Variants in CLNK observed in about 807,000 individuals in gnomAD.
CLNK encodes cytokine-dependent hematopoietic cell linker.
A neutral mutation model predicts 68.6 loss-of-function variants in CLNK; 74 were observed. That is an observed-to-expected ratio of 1.08 (90% confidence interval 0.89 to 1.31). The LOEUF is 1.31. Ranked by LOEUF, CLNK falls within the 50% of genes most tolerant of loss-of-function variation. The pLI is 0.00. For synonymous variants in CLNK, 198 were observed against 172.2 expected (o/e 1.15, Z -1.17); for missense variants, 553 against 515.3 (o/e 1.07, Z -0.71).
chr4:10,730,324 A>G, the CLNK span, among the ~76,000 whole-genome samples: 1 of 152,150 alleles, frequency 6.6e-6, no homozygotes, highest in Admixed American at 6.5e-5. Context: ...GAGTCATTAT[A>G]TGACTCATCT....
chr4:10,509,389 G>A (rs2109034026), intron 16 of CLNK, among the ~76,000 whole-genome samples: 1 of 152,242 alleles, frequency 6.6e-6, no homozygotes, highest in South Asian at 2.1e-4. Flanking sequence ...CCAGACAAAA[G>A]TGCTTGTACT....
At chr4:10,694,279 T>C in the CLNK span, among the ~76,000 whole-genome samples, 4 of 151,560 alleles carry the variant, frequency 2.6e-5, no homozygotes, top group African/African-American at 9.7e-5. Context: ...GCCTTCAGCT[T>C]AGTATTCACA....
At chr4:10,589,387 G>C (rs957767629) in intron 3 of CLNK, among the ~76,000 whole-genome samples, 1 of 152,164 alleles carries the variant, frequency 6.6e-6, no homozygotes. Context: ...TGTCAAATTT[G>C]TCTGAAAGTG....
At chr4:10,521,086 C>T (rs1470513123) in intron 14 of CLNK, among the ~76,000 whole-genome samples, 1 of 152,158 alleles carries the variant, frequency 6.6e-6, no homozygotes, top group Non-Finnish European at 1.5e-5. Flanking sequence ...TCAGTGAGCA[C>T]GTATCATTAT....
intron 7 of CLNK, among the ~76,000 whole-genome samples, chr4:10,558,875 G>C (rs922830527): frequency 6.6e-6 from 1 of 152,130 alleles, no homozygotes; most frequent in Non-Finnish European, 1.5e-5. Flanking sequence ...GGGAAGGCCT[G>C]GGTTAGGATT....
intron 3 of CLNK, among the ~76,000 whole-genome samples, chr4:10,589,394 A>C (rs1721103103): frequency 6.6e-6 from 1 of 152,132 alleles, no homozygotes; most frequent in Non-Finnish European, 1.5e-5. Context: ...TTTGTCTGAA[A>C]GTGGCTTATC....
intron 1 of CLNK, among the ~76,000 whole-genome samples, chr4:10,676,181 T>A (rs778596267): frequency 3.3e-5 from 5 of 152,034 alleles, no homozygotes; most frequent in Non-Finnish European, 5.9e-5. Flanking sequence ...CAATTCAGAG[T>A]TATATGTATT....
chr4:10,712,664 C>T, the CLNK span, among the ~76,000 whole-genome samples: 5 of 152,192 alleles, frequency 3.3e-5, no homozygotes, highest in Non-Finnish European at 5.9e-5. Context: ...TGTTTCTTAG[C>T]TTGCTTTTCT....
the CLNK span, among the ~76,000 whole-genome samples, chr4:10,690,351 A>G: frequency 3.3e-5 from 5 of 152,168 alleles, no homozygotes; most frequent in Admixed American, 2.0e-4. Flanking sequence ...CATTTTGAGG[A>G]TAACACGGTT....
chr4:10,680,018 T>G (rs569987277), intron 1 of CLNK, among the ~76,000 whole-genome samples: 113 of 152,302 alleles, frequency 7.4e-4, no homozygotes, highest in African/African-American at 2.1e-3. Context: ...CATTACTGGA[T>G]ATATACCCAA....
intron 13 of CLNK, among the ~76,000 whole-genome samples, chr4:10,526,996 G>T (rs1280585262): frequency 6.6e-6 from 1 of 152,164 alleles, no homozygotes; most frequent in Non-Finnish European, 1.5e-5. Flanking sequence ...TCTGCCCAAG[G>T]TTCATCACAA....
At chr4:10,558,529 G>A (rs1203762372) in intron 7 of CLNK, 77 bp from the exon 8 acceptor site, 1 of 1,389,434 alleles carries the variant, frequency 7.2e-7, no homozygotes, top group Non-Finnish European at 1.0e-6. Context: ...ACTCTCTGTG[G>A]TTAGGTTCCC....
At chr4:10,526,871 C>T (rs1458877897) in intron 13 of CLNK, among the ~76,000 whole-genome samples, 2 of 152,304 alleles carry the variant, frequency 1.3e-5, no homozygotes, top group South Asian at 4.2e-4. Flanking sequence ...AAGGGCACAT[C>T]ATAATACTAT....
chr4:10,608,256 C>T (rs186381069), intron 2 of CLNK, among the ~76,000 whole-genome samples: 14 of 152,340 alleles, frequency 9.2e-5, no homozygotes, highest in Non-Finnish European at 1.2e-4. Context: ...CTACAGTCCA[C>T]GCAAACTGAA....
chr4:10,583,818 T>C (rs1317777892), intron 4 of CLNK, among the ~76,000 whole-genome samples: 1 of 152,178 alleles, frequency 6.6e-6, no homozygotes, highest in Non-Finnish European at 1.5e-5. Flanking sequence ...GGGAGCAAGA[T>C]GGGAGGAAGA....
chr4:10,638,877 C>A (rs1215646135), intron 2 of CLNK, among the ~76,000 whole-genome samples: 1 of 152,180 alleles, frequency 6.6e-6, no homozygotes, highest in Non-Finnish European at 1.5e-5. Context: ...ATGGTCCCCT[C>A]TGAACGTCTG....
chr4:10,686,055 C>T (rs572420630), upstream of CLNK, among the ~76,000 whole-genome samples: 3 of 152,292 alleles, frequency 2.0e-5, no homozygotes, highest in African/African-American at 7.2e-5. Context: ...GTCTCACAGT[C>T]TGGCCTCTGG....
intron 2 of CLNK, among the ~76,000 whole-genome samples, chr4:10,627,918 C>G (rs189610478): frequency 2.0e-5 from 3 of 152,188 alleles, no homozygotes; most frequent in African/African-American, 7.2e-5. Flanking sequence ...CTTCTTCCCC[C>G]TTCTGTCTCC....
Position 10,536,716 on chromosome 4 carries a change from T to C in CLNK, c.602+3778A>G, listed in dbSNP as rs57369278. ...TGGAAAAATTCAATAAGAGAAAATA[T>C]AATTACTCTCTTGAGGTGTTTTGGT... On this transcript the variant is annotated intron_variant, in intron 11 of 18. Transcript: ENST00000226951. Among the ~76,000 whole-genome samples, 1,178 of 152,072 alleles carry C rather than the reference T, an allele frequency of 7.7e-3. 6 individuals are homozygous for C. The highest frequency in any genetic ancestry group is 0.013 in the Non-Finnish European group (874 of 68,008).
Sources: gnomAD v4.1 joint callset for allele counts (sites outside exome capture counted in the v4.1 genomes callset) on GRCh38, gnomAD v4.1.1 for gene constraint, MANE v1.5 for transcripts, NCBI Gene and HGNC (gene_info 2026-07-23, HGNC 2026-07-21) for gene names.